Variants in ZFP62 observed in about 807,000 individuals in gnomAD.
ZFP62 encodes zinc finger protein 62 homolog.
In ZFP62, 44 loss-of-function variants were observed where a neutral mutation model predicts 56.4. That is an observed-to-expected ratio of 0.78 (90% CI 0.61 to 1.00). ZFP62 has a LOEUF of 1.00. Among genes scored for constraint, ZFP62 ranks in the 50% least tolerant of loss-of-function variants. The pLI is 0.00. For synonymous variants in ZFP62, 421 were observed against 388.9 expected (o/e 1.08, Z -0.97); for missense variants, 1,030 against 1,085.7 (o/e 0.95, Z 0.72).
At chr5:180,840,789 T>TTGTGTG in the ZFP62 span, among the ~76,000 whole-genome samples, 1,685 of 146,548 alleles carry the variant, frequency 0.011, 25 homozygotes, top group African/African-American at 0.04. Context: ...CTAAAACAAT[T>TTGTGTG]TGTGTGTGTG....
chr5:180,852,554 C>CAAAA (rs36030316), intron 1 of ZFP62, among the ~76,000 whole-genome samples: 2 of 109,472 alleles, frequency 1.8e-5, no homozygotes, highest in Non-Finnish European at 3.8e-5. Context: ...CTCCGTCTCA[C>CAAAA]AAAAAAAAAA....
At position 180,856,663 on chromosome 5, in the gene ZFP62, T is replaced by A. The variant is rs140155628; in HGVS notation, c.1+4556A>T. Reference sequence around the variant, plus strand: ...TAGGAAAATAACCATATGATAAAAATGACAGAGGCGGCCGGGCATGGTGGT... The same window carrying A: ...TAGGAAAATAACCATATGATAAAAAAGACAGAGGCGGCCGGGCATGGTGGT... On this transcript the variant is annotated intron_variant, in intron 1 of 1. Transcript: ENST00000502412. 6.7e-3 allele frequency among the ~76,000 whole-genome samples: 1,016 copies of A among 151,990 alleles called. 18 individuals carry two copies. Among genetic ancestry groups the A allele is most frequent in the African/African-American group, 0.023 (946 of 41,442 alleles).
At chr5:180,855,277 G>T (rs1177170102) in intron 1 of ZFP62, among the ~76,000 whole-genome samples, 8 of 152,154 alleles carry the variant, frequency 5.3e-5, no homozygotes, top group Non-Finnish European at 1.2e-4. Flanking sequence ...CAAACAAAAA[G>T]TTTTTAAAGT....
intron 1 of ZFP62, chr5:180,851,987 C>T (rs1773734531): frequency 2.3e-5 from 23 of 986,314 alleles, no homozygotes; most frequent in Non-Finnish European, 2.8e-5. Flanking sequence ...AAAATTAGTA[C>T]CTGGGGAGGG....
the ZFP62 span, among the ~76,000 whole-genome samples, chr5:180,841,436 C>G: frequency 1.2e-3 from 183 of 151,996 alleles, no homozygotes; most frequent in African/African-American, 4.2e-3. Flanking sequence ...TTTTACAGTT[C>G]TTGAACCAAG....
At chr5:180,841,123 T>C in the ZFP62 span, among the ~76,000 whole-genome samples, 1 of 152,230 alleles carries the variant, frequency 6.6e-6, no homozygotes, top group African/African-American at 2.4e-5. Flanking sequence ...CAAAACGTCT[T>C]AACTATTAGC....
intron 1 of ZFP62, among the ~76,000 whole-genome samples, chr5:180,859,231 G>A (rs1320449057): frequency 6.6e-6 from 1 of 152,148 alleles, no homozygotes; most frequent in Non-Finnish European, 1.5e-5. Context: ...CCACCTCAAG[G>A]TTCACGCGTG....
chr5:180,856,169 C>A (rs1221810643), intron 1 of ZFP62, among the ~76,000 whole-genome samples: 2 of 152,236 alleles, frequency 1.3e-5, no homozygotes, highest in East Asian at 3.8e-4. Context: ...CAGGGGCCTC[C>A]CTGTTCTGGC....
chr5:180,840,530 A>T, the ZFP62 span, among the ~76,000 whole-genome samples: 2 of 152,112 alleles, frequency 1.3e-5, no homozygotes, highest in South Asian at 4.1e-4. Context: ...AGGCTGAGGC[A>T]GGTGGATCAT....
At chr5:180,828,954 G>A in the ZFP62 span, among the ~76,000 whole-genome samples, 2 of 152,208 alleles carry the variant, frequency 1.3e-5, no homozygotes, top group Non-Finnish European at 2.9e-5. Flanking sequence ...TCTGTCCTAT[G>A]CGGTAGCGAT....
downstream of ZFP62, among the ~76,000 whole-genome samples, chr5:180,843,034 CTG>C (rs1773345347): frequency 1.5e-5 from 2 of 137,160 alleles, no homozygotes; most frequent in Admixed American, 1.5e-4. Context: ...CAAAGCAAGA[CTG>C]TCTCCAAAAA....
chr5:180,851,896 T>C (rs145243453), intron 1 of ZFP62: 4 of 403,416 alleles, frequency 9.9e-6, no homozygotes, highest in African/African-American at 6.5e-5. Context: ...AATTCATAAG[T>C]AGGACAAAAG....
At chr5:180,845,719 G>A, downstream of ZFP62, 1 of 985,400 alleles carries the variant, frequency 1.0e-6, no homozygotes, top group Middle Eastern at 5.2e-4. Context: ...AGGTCTTGAT[G>A]CAGACAGACT....
intron 1 of ZFP62, among the ~76,000 whole-genome samples, chr5:180,860,239 G>GTA (rs1774229238): frequency 6.6e-6 from 1 of 152,232 alleles, no homozygotes; most frequent in African/African-American, 2.4e-5. Flanking sequence ...GGTTACCTAA[G>GTA]AGGGTAGGGC....
Position 180,849,972 on chromosome 5 carries a change from C to A in ZFP62, c.1523G>T (p.Ser508Ile). The A allele has an allele frequency of 1.3e-6, 2 of 1,549,576 alleles. No homozygotes were observed. Among genetic ancestry groups the A allele is most frequent in the Non-Finnish European group, 1.7e-6 (2 of 1,146,438 alleles). ...GTAGTTGAAGGATTTCTCACAATAG[C>A]TACATTTATAGGGCTTCTCCCCAAG... ...IHLGEKPYKC[S>I]YCEKSFNYSS... The change falls in exon 2 of 2, where the codon AGC becomes ATC. Residue 508 changes from serine (S) to isoleucine (I), a missense_variant. Ser to Ile is a moderately radical substitution (Grantham distance 142). Coordinates refer to ENST00000502412, the MANE Select transcript of ZFP62 (RefSeq NM_001172638.2).
At chr5:180,845,680 CCT>C, downstream of ZFP62, 1 of 984,334 alleles carries the variant, frequency 1.0e-6, no homozygotes, top group Non-Finnish European at 1.2e-6. Context: ...CCCAGGAACT[CCT>C]TGGGTACAGC....
At chr5:180,851,607 T>C (rs905480688) in intron 1 of ZFP62, 114 bp from the exon 2 acceptor site, 2 of 1,207,582 alleles carry the variant, frequency 1.7e-6, no homozygotes, top group South Asian at 1.6e-5. Flanking sequence ...CAACATACTG[T>C]GTGACAGGTA....
chr5:180,849,994 C>T lies in ZFP62; in HGVS notation c.1501G>A (p.Gly501Arg), dbSNP rs1384149169. ...SLKNHKGIHL[G>R]EKPYKCSYCE... ...TAGCTACATTTATAGGGCTTCTCCC[C>T]AAGGTGGATTCCTTTGTGATTTTTA... Residue 501 changes from glycine (G) to arginine (R), a missense_variant, in exon 2 of 2, where the codon GGG (glycine) becomes AGG (arginine). Gly to Arg is a moderately radical substitution (Grantham distance 125, BLOSUM62 -2). Coordinates refer to ENST00000502412, the MANE Select transcript of ZFP62 (RefSeq NM_001172638.2). 1.3e-6 allele frequency: 2 copies of T among 1,551,692 alleles called. No homozygotes were observed. Among genetic ancestry groups the T allele is most frequent in the Non-Finnish European group, 1.7e-6 (2 of 1,146,992 alleles).
At chr5:180,840,789 T>TTGTGTGTGTGTGTG in the ZFP62 span, among the ~76,000 whole-genome samples, 5 of 146,468 alleles carry the variant, frequency 3.4e-5, no homozygotes, top group African/African-American at 1.3e-4. Flanking sequence ...CTAAAACAAT[T>TTGTGTGTGTGTGTG]TGTGTGTGTG....
Sources: gnomAD v4.1 joint callset for allele counts (sites outside exome capture counted in the v4.1 genomes callset) on GRCh38, gnomAD v4.1.1 for gene constraint, MANE v1.5 for transcripts, NCBI Gene and HGNC (gene_info 2026-07-23, HGNC 2026-07-21) for gene names.